The following TRPM7 variants were observed in gnomAD, a reference collection of about 807,000 sequenced individuals.
TRPM7 encodes the protein LTRPC ion channel family member 7.
Under a neutral mutation model 229.7 loss-of-function variants are expected in TRPM7, and 134 were observed. That is an observed-to-expected ratio of 0.58 (90% CI 0.51 to 0.67). The LOEUF is 0.67. Among genes scored for constraint, TRPM7 ranks in the 30% least tolerant of loss-of-function variants. The pLI is 0.00. For missense variants in TRPM7, 1,901 were observed against 2,210.0 expected (o/e 0.86, Z 2.80); for synonymous variants, 699 against 715.2 (o/e 0.98, Z 0.36).
intron 2 of TRPM7, among the ~76,000 whole-genome samples, chr15:50,661,532 C>T (rs189082632): frequency 3.9e-5 from 6 of 151,976 alleles, no homozygotes; most frequent in Non-Finnish European, 7.4e-5. Context: ...GTGAGAGATC[C>T]GTTCAAAGTT....
chr15:50,585,217 G>A (rs1029829918), intron 28 of TRPM7, among the ~76,000 whole-genome samples: 4 of 151,930 alleles, frequency 2.6e-5, no homozygotes, highest in Middle Eastern at 3.4e-3. Flanking sequence ...GCCCGCCACC[G>A]CGCCCGGCTA....
rs573399961 is a variant in TRPM7, at chr15:50,686,473, C to T, written c.3+58G>A. The T allele has an allele frequency of 1.3e-4, 213 of 1,614,136 alleles. No homozygotes were observed. In the African/African-American group the frequency reaches 2.6e-3, roughly 20 times the overall value. ...CCACACACTTGCCTGCCAAGTCTCT[C>T]CTTTACCGCCCGCAACCCCAGAACC... is the stretch of plus-strand genomic sequence containing the variant. On this transcript the variant is annotated intron_variant, in intron 1 of 38. Transcript: ENST00000646667.
chr15:50,666,898 T>C (rs900432630), intron 1 of TRPM7, among the ~76,000 whole-genome samples: 4 of 152,172 alleles, frequency 2.6e-5, no homozygotes, highest in Non-Finnish European at 4.4e-5. Context: ...AATAACAGGC[T>C]GTTCTGCCTC....
At chr15:50,619,475 AC>A (rs76365099) in intron 13 of TRPM7, among the ~76,000 whole-genome samples, 49,950 of 151,812 alleles carry the variant, frequency 0.33, 10,014 homozygotes, top group Admixed American at 0.47. Flanking sequence ...GCCAGCCTCA[AC>A]CTGCCGAAAT....
intron 3 of TRPM7, among the ~76,000 whole-genome samples, chr15:50,650,192 C>CA (rs59579538): frequency 0.014 from 899 of 62,258 alleles, 86 homozygotes; most frequent in African/African-American, 0.027. Flanking sequence ...GACTTTGTCT[C>CA]AAAAAAAAAA....
In TRPM7 at chr15:50,624,209, T is replaced by C; in HGVS notation, c.1397A>G (p.His466Arg). The C allele has an allele frequency of 6.2e-7, 1 of 1,612,916 alleles. No homozygotes were observed. The highest frequency in any genetic ancestry group is 8.5e-7 in the Non-Finnish European group (1 of 1,179,480). ...CAGTCTCGGAATGGTAAGGAATTTA[T>C]GCATGCTTACTCCATTTTCAATAAG... The part of the protein sequence containing the change: ...KLLIENGVSM[H>R]KFLTIPRLEE... Residue 466 changes from histidine (H) to arginine (R), a missense_variant, in exon 12 of 39, where the codon CAT becomes CGT. His to Arg is a conservative substitution (Grantham distance 29). Transcript: ENST00000646667.
chr15:50,684,635 G>C (rs1425944492), intron 1 of TRPM7, among the ~76,000 whole-genome samples: 1 of 151,744 alleles, frequency 6.6e-6, no homozygotes, highest in African/African-American at 2.4e-5. Context: ...GCGAGACTCG[G>C]TCTCAAACAA....
intron 1 of TRPM7, among the ~76,000 whole-genome samples, chr15:50,671,345 A>C (rs942332762): frequency 1.3e-5 from 2 of 152,172 alleles, no homozygotes; most frequent in Non-Finnish European, 2.9e-5. Flanking sequence ...TTCACTTAAC[A>C]TAATGTCCTC....
intron 4 of TRPM7, among the ~76,000 whole-genome samples, chr15:50,646,098 C>G (rs186002391): frequency 7.8e-6 from 1 of 128,926 alleles, no homozygotes; most frequent in African/African-American, 2.8e-5. Context: ...GCCTGGGCAA[C>G]AGAGCGAGTC....
intron 5 of TRPM7, among the ~76,000 whole-genome samples, chr15:50,640,550 T>C (rs1368841837): frequency 6.6e-6 from 1 of 151,006 alleles, no homozygotes; most frequent in Admixed American, 6.6e-5. Flanking sequence ...CCTCCCAAAG[T>C]GCTGGGATTA....
intron 4 of TRPM7, among the ~76,000 whole-genome samples, chr15:50,645,320 G>T (rs1370302726): frequency 2.6e-5 from 4 of 151,982 alleles, no homozygotes; most frequent in Admixed American, 6.6e-5. Context: ...GGGATTATAG[G>T]CATGAGCTAC....
intron 3 of TRPM7, among the ~76,000 whole-genome samples, chr15:50,651,971 T>C (rs974123995): frequency 6.6e-6 from 1 of 151,772 alleles, no homozygotes; most frequent in Non-Finnish European, 1.5e-5. Context: ...TAACCTAAAC[T>C]TCTACCTTAA....
At chr15:50,597,428 A>G (rs1252018291) in intron 22 of TRPM7, among the ~76,000 whole-genome samples, 1 of 152,238 alleles carries the variant, frequency 6.6e-6, no homozygotes, top group Non-Finnish European at 1.5e-5. Context: ...CGGTTCTATG[A>G]TTCCTTTAAA....
chr15:50,641,788 T>C (rs1267305450), intron 5 of TRPM7, among the ~76,000 whole-genome samples: 1 of 152,028 alleles, frequency 6.6e-6, no homozygotes, highest in African/African-American at 2.4e-5. Flanking sequence ...TCACCTGAGG[T>C]CAGAAGTTCA....
chr15:50,632,419 T>C (rs2060766678), intron 9 of TRPM7, among the ~76,000 whole-genome samples: 1 of 152,232 alleles, frequency 6.6e-6, no homozygotes, highest in African/African-American at 2.4e-5. Context: ...AATCATGTTA[T>C]GTATTTATAG....
chr15:50,667,534 C>T (rs1413218791), intron 1 of TRPM7, among the ~76,000 whole-genome samples: 4 of 152,146 alleles, frequency 2.6e-5, no homozygotes, highest in African/African-American at 9.7e-5. Flanking sequence ...TGTAAAACCC[C>T]ACCTCTACTA....
intron 1 of TRPM7, among the ~76,000 whole-genome samples, chr15:50,667,598 T>A (rs1355124821): frequency 6.6e-6 from 1 of 152,120 alleles, no homozygotes; most frequent in Non-Finnish European, 1.5e-5. Context: ...TCCCAGCTGC[T>A]AGGGAAGCTG....
intron 1 of TRPM7, among the ~76,000 whole-genome samples, chr15:50,670,162 T>C (rs985353173): frequency 6.6e-6 from 1 of 152,064 alleles, no homozygotes; most frequent in Non-Finnish European, 1.5e-5. Context: ...CATCACCCCA[T>C]TCAGCAAGAA....
chr15:50,628,275 C>A (rs750670477), intron 10 of TRPM7, 26 bp from the exon 11 acceptor site: 15 of 1,480,512 alleles, frequency 1.0e-5, no homozygotes, highest in Non-Finnish European at 1.3e-5. Flanking sequence ...AAATAGTTGA[C>A]AGGTTCAATT....
Sources: allele counts gnomAD v4.1 joint callset (sites outside exome capture counted in the v4.1 genomes callset), GRCh38; gene constraint gnomAD v4.1.1; transcripts MANE v1.5; gene names NCBI Gene and HGNC (gene_info 2026-07-23, HGNC 2026-07-21).